Variants in NAV3 observed in about 807,000 individuals in gnomAD.
The protein encoded by NAV3 is neuron navigator 3.
NAV3 carries 87 observed loss-of-function variants against 244.7 expected under a neutral mutation model. The ratio of observed to expected loss-of-function variants is 0.36; its 90% CI spans 0.30 to 0.42. NAV3 has a LOEUF of 0.42. NAV3 is among the 20% of genes least tolerant of loss of function. The probability of loss-of-function intolerance (pLI) is 1.00; values close to 1 mark genes in which losing one functional copy is unlikely to be tolerated. For synonymous variants in NAV3, 1,126 were observed against 1,042.2 expected (o/e 1.08, Z -1.55); for missense variants, 2,663 against 2,893.3 (o/e 0.92, Z 1.83).
At chr12:77,604,188 A>G (rs1870567752) in intron 2 of NAV3, among the ~76,000 whole-genome samples, 1 of 152,206 alleles carries the variant, frequency 6.6e-6, no homozygotes, top group East Asian at 1.9e-4. Context: ...ACCATCAATC[A>G]TACCACCAAT....
At chr12:77,962,398 C>G (rs191130090) in intron 3 of NAV3, among the ~76,000 whole-genome samples, 1 of 152,230 alleles carries the variant, frequency 6.6e-6, no homozygotes, top group African/African-American at 2.4e-5. Context: ...AAGAAACTTC[C>G]GACTTCCATT....
At chr12:77,982,356 A>G (rs2448225) in intron 5 of NAV3, among the ~76,000 whole-genome samples, 25,245 of 74,438 alleles carry the variant, frequency 0.34, 7,862 homozygotes, top group East Asian at 0.7. Context: ...GAGATACATC[A>G]GATATGTGGC....
At chr12:77,697,227 G>A (rs976707714) in intron 2 of NAV3, among the ~76,000 whole-genome samples, 2 of 152,086 alleles carry the variant, frequency 1.3e-5, no homozygotes, top group African/African-American at 2.4e-5. Flanking sequence ...ACCTTGGCCT[G>A]TAGATGCACT....
At chr12:77,852,267 G>A (rs1877643820) in intron 1 of NAV3, among the ~76,000 whole-genome samples, 1 of 152,172 alleles carries the variant, frequency 6.6e-6, no homozygotes. Flanking sequence ...GGGTGCAGTG[G>A]CTCACGCCTG....
At chr12:77,778,161 C>CTCTGCCCTCT in intron 2 of NAV3, among the ~76,000 whole-genome samples, 1 of 128,652 alleles carries the variant, frequency 7.8e-6, no homozygotes, top group African/African-American at 3.0e-5. Flanking sequence ...CCCTCCCCTC[C>CTCTGCCCTCT]CCTCCCCTCC....
chr12:77,969,518 C>T (rs1407163364), intron 5 of NAV3, among the ~76,000 whole-genome samples: 1 of 152,158 alleles, frequency 6.6e-6, no homozygotes, highest in East Asian at 1.9e-4. Flanking sequence ...GGTAGAATTT[C>T]TCCTCTGAAG....
intron 2 of NAV3, among the ~76,000 whole-genome samples, chr12:77,665,995 T>G (rs1334846400): frequency 1.3e-5 from 2 of 152,186 alleles, no homozygotes; most frequent in African/African-American, 2.4e-5. Flanking sequence ...AAACTCTTTT[T>G]GACAGATTGC....
At chr12:77,816,262 C>G (rs2136015735) in intron 2 of NAV3, among the ~76,000 whole-genome samples, 1 of 152,226 alleles carries the variant, frequency 6.6e-6, no homozygotes, top group South Asian at 2.1e-4. Context: ...GTTCAACATC[C>G]TGCAGATATG....
chr12:77,831,181 GAGAGAGAGAGAGAC>G lies in NAV3; in HGVS notation c.-267_-254del, dbSNP rs1565834669. ...AGAGAGAGAGAGACAGAGAGAGAGA[GAGAGAGAGAGAGAC>G]AGAGAGAGAGAGAGAGAGAGAGAAA... On this transcript the variant is annotated 5_prime_UTR_variant, in exon 1 of 40. Coordinates refer to ENST00000397909, the MANE Select transcript of NAV3 (RefSeq NM_001024383.2). The G allele has an allele frequency of 1.9e-5, 3 of 157,200 alleles. No homozygotes were observed. Among genetic ancestry groups the G allele is most frequent in the Admixed American group, 7.3e-5 (1 of 13,628 alleles). The allele number at this position is 157,200 out of a possible 1,614,324, so 9.7% of individuals were successfully genotyped here. A position where few individuals can be genotyped will look rare whatever the true frequency, so the allele number is the denominator to read the frequency against.
intron 2 of NAV3, among the ~76,000 whole-genome samples, chr12:77,641,531 G>C (rs1001318842): frequency 6.6e-6 from 1 of 152,088 alleles, no homozygotes; most frequent in Non-Finnish European, 1.5e-5. Context: ...AAAGGAATTT[G>C]TATGCTAGAA....
chr12:77,786,926 T>A (rs1440069216), intron 2 of NAV3, among the ~76,000 whole-genome samples: 1 of 152,128 alleles, frequency 6.6e-6, no homozygotes, highest in Admixed American at 6.6e-5. Flanking sequence ...CCACCCATTG[T>A]TTCCCATTAC....
At chr12:78,156,358 G>A (rs1181636189) in intron 22 of NAV3, among the ~76,000 whole-genome samples, 3 of 152,008 alleles carry the variant, frequency 2.0e-5, no homozygotes, top group Non-Finnish European at 2.9e-5. Context: ...AAAACAACAC[G>A]ACTCAAAATG....
At chr12:78,177,774 A>G in intron 28 of NAV3, 89 bp downstream of exon 28, 4 of 1,171,154 alleles carry the variant, frequency 3.4e-6, no homozygotes, top group South Asian at 1.4e-5. Flanking sequence ...AATCACTCAC[A>G]TGCATTTCAA....
chr12:77,686,174 C>T (rs1315556262), intron 2 of NAV3, among the ~76,000 whole-genome samples: 2 of 152,136 alleles, frequency 1.3e-5, no homozygotes, highest in Admixed American at 1.3e-4. Context: ...TTCACTGCAA[C>T]CACTGCCTCC....
At chr12:77,637,720 C>A (rs927339713) in intron 2 of NAV3, among the ~76,000 whole-genome samples, 1 of 152,142 alleles carries the variant, frequency 6.6e-6, no homozygotes, top group African/African-American at 2.4e-5. Flanking sequence ...CTGCCTCTCA[C>A]AAATATCTTC....
At chr12:78,203,498 G>A (rs1042787132) in intron 38 of NAV3, among the ~76,000 whole-genome samples, 2 of 152,054 alleles carry the variant, frequency 1.3e-5, no homozygotes, top group Non-Finnish European at 2.9e-5. Flanking sequence ...CTAAGGAAAT[G>A]CACAGATATC....
Position 77,771,430 on chromosome 12 carries a change from C to T in NAV3, c.73-168889C>T, listed in dbSNP as rs921774788. 3.3e-5 allele frequency among the ~76,000 whole-genome samples: 5 copies of T among 151,248 alleles called. No individual in the cohort carries two copies. In the East Asian group the frequency reaches 9.6e-4, roughly 29 times the overall value. On this transcript the variant is annotated intron_variant, in intron 2 of 8. Coordinates refer to the NAV3 transcript ENST00000550042. ...CATTACTGGGTATATACCCAAAGGA[C>T]TATAAATCATGCTGCTATAAAGACA...
At chr12:77,673,140 A>G (rs146816405) in intron 2 of NAV3, among the ~76,000 whole-genome samples, 533 of 152,296 alleles carry the variant, frequency 3.5e-3, no homozygotes, top group Middle Eastern at 0.01. Flanking sequence ...ACATTACACC[A>G]GGGATATAAA....
At chr12:78,061,564 T>C (rs1040540113) in intron 12 of NAV3, among the ~76,000 whole-genome samples, 3 of 152,122 alleles carry the variant, frequency 2.0e-5, no homozygotes, top group African/African-American at 7.2e-5. Context: ...TTAGCAGAGA[T>C]AGAAGGTTTT....
Sources: allele counts gnomAD v4.1 joint callset (sites outside exome capture counted in the v4.1 genomes callset), GRCh38; gene constraint gnomAD v4.1.1; transcripts MANE v1.5; gene names NCBI Gene and HGNC (gene_info 2026-07-23, HGNC 2026-07-21).